ATP10A: variants seen among roughly 807,000 people sequenced by gnomAD.
ATP10A encodes the protein ATPase phospholipid transporting 10A (putative).
In ATP10A, 111 loss-of-function variants were observed where a neutral mutation model predicts 147.8. That is an observed-to-expected ratio of 0.75 (90% CI 0.64 to 0.88). The LOEUF (loss-of-function observed/expected upper bound fraction) is 0.88. ATP10A is among the 40% of genes least tolerant of loss of function. The pLI is 0.00. For synonymous variants in ATP10A, 875 were observed against 841.6 expected, an observed-to-expected ratio of 1.04 and a Z score of -0.69; for missense variants, 1,927 against 1,959.0, an observed-to-expected ratio of 0.98 and a Z score of 0.31.
chr15:25,722,723 G>A (rs934404458), intron 6 of ATP10A, among the ~76,000 whole-genome samples: 1 of 152,170 alleles, frequency 6.6e-6, no homozygotes, highest in Non-Finnish European at 1.5e-5. Flanking sequence ...GTTGTATGAA[G>A]CACATATACG....
chr15:25,750,612 A>C (rs1888099979), intron 2 of ATP10A, among the ~76,000 whole-genome samples: 1 of 152,138 alleles, frequency 6.6e-6, no homozygotes, highest in Non-Finnish European at 1.5e-5. Context: ...TTTTATGAGC[A>C]TGGGTAAGTA....
intron 14 of ATP10A, among the ~76,000 whole-genome samples, chr15:25,694,571 G>T (rs1311688059): frequency 6.6e-6 from 1 of 152,242 alleles, no homozygotes; most frequent in Non-Finnish European, 1.5e-5. Flanking sequence ...GCTCCATCTT[G>T]TTGCCGTAAA....
chr15:25,723,934 G>A lies in ATP10A; in HGVS notation c.1067C>T (p.Thr356Ile). The change falls in exon 6 of 21, where the codon ACA becomes ATA. Residue 356 changes from threonine (T) to isoleucine (I), a missense_variant. Coordinates refer to ENST00000555815, the MANE Select transcript of ATP10A (RefSeq NM_024490.4). Reference protein sequence around the residue: ...KSDGSSLSPVTAAVYSFLTMI... With the variant: ...KSDGSSLSPVIAAVYSFLTMI... ...TGTTAAAAATGAGTAAACTGCAGCT[G>A]TGACTGGGGATAAGGAGCTTCCATC... 2 of 1,610,412 alleles carry A rather than the reference G, an allele frequency of 1.2e-6. No homozygotes were observed. The highest frequency in any genetic ancestry group is 1.7e-6 in the Non-Finnish European group (2 of 1,178,780).
intron 1 of ATP10A, among the ~76,000 whole-genome samples, chr15:25,854,923 T>C (rs1206855198): frequency 6.6e-6 from 1 of 151,944 alleles, no homozygotes; most frequent in African/African-American, 2.4e-5. Flanking sequence ...AGCCAGGCAT[T>C]GTGATGCCTG....
chr15:25,689,636 G>A (rs774989145), intron 15 of ATP10A, among the ~76,000 whole-genome samples: 8 of 152,188 alleles, frequency 5.3e-5, no homozygotes, highest in African/African-American at 7.2e-5. Flanking sequence ...ATCAAGCCTC[G>A]TCCCCATCTC....
chr15:25,700,806 T>C (rs1255079673), intron 13 of ATP10A, among the ~76,000 whole-genome samples: 1 of 151,714 alleles, frequency 6.6e-6, no homozygotes, highest in Non-Finnish European at 1.5e-5. Flanking sequence ...TGTAAGTGTA[T>C]AACCAAAAAA....
chr15:25,722,793 C>T (rs1464029584), intron 6 of ATP10A, among the ~76,000 whole-genome samples: 1 of 152,174 alleles, frequency 6.6e-6, no homozygotes, highest in East Asian at 1.9e-4. Context: ...TCACTCAGTT[C>T]CCAGGAAGGT....
rs772762374 is a variant in ATP10A, at chr15:25,723,939, T to A, written c.1062A>T (p.Pro354=). The change falls in exon 6 of 21, where the codon CCA becomes CCT. Residue 354 remains proline (P), a synonymous_variant. Transcript: ENST00000555815. ...VPKSDGSSLS[P]VTAAVYSFLT... ...AAAATGAGTAAACTGCAGCTGTGAC[T>A]GGGGATAAGGAGCTTCCATCAGACT... 1.2e-6 allele frequency: 2 copies of A among 1,610,688 alleles called. No individual in the cohort carries two copies. The highest frequency in any genetic ancestry group is 1.1e-5 in the South Asian group (1 of 90,074).
intron 19 of ATP10A, 26 bp downstream of exon 19, chr15:25,680,784 G>A: frequency 1.3e-6 from 2 of 1,586,194 alleles, no homozygotes; most frequent in Non-Finnish European, 1.7e-6. Flanking sequence ...GCTCTTCTGA[G>A]ACGTGGCCAT....
chr15:25,818,070 A>T (rs1451088993), intron 1 of ATP10A, among the ~76,000 whole-genome samples: 1 of 151,044 alleles, frequency 6.6e-6, no homozygotes, highest in Non-Finnish European at 1.5e-5. Context: ...ACTAGCTTTT[A>T]AAAAATTATT....
chr15:25,811,572 A>G (rs894880262), intron 1 of ATP10A, among the ~76,000 whole-genome samples: 1 of 151,884 alleles, frequency 6.6e-6, no homozygotes, highest in Non-Finnish European at 1.5e-5. Flanking sequence ...AGGAGTGCAC[A>G]CTCCCCTCTA....
At chr15:25,718,507 C>T (rs905440437) in intron 7 of ATP10A, 108 bp from the exon 8 acceptor site, 3 of 1,151,186 alleles carry the variant, frequency 2.6e-6, no homozygotes, top group African/African-American at 1.5e-5. Context: ...CAGGGCAGCC[C>T]CACAGGATTC....
intron 7 of ATP10A, among the ~76,000 whole-genome samples, chr15:25,719,105 G>A (rs969060812): frequency 2.0e-5 from 3 of 152,198 alleles, no homozygotes; most frequent in Non-Finnish European, 4.4e-5. Context: ...AGGGAGGACA[G>A]CTTGTTTCAC....
intron 1 of ATP10A, among the ~76,000 whole-genome samples, chr15:25,788,249 C>T (rs1041626402): frequency 2.0e-5 from 3 of 152,240 alleles, no homozygotes; most frequent in Non-Finnish European, 4.4e-5. Context: ...CATCTGGCCA[C>T]TACTTTCATT....
At position 25,679,352 on chromosome 15, in the gene ATP10A, G is replaced by A. The variant is rs201645433; in HGVS notation, c.4489C>T (p.Arg1497Trp). 13 of 1,510,150 alleles carry A rather than the reference G, an allele frequency of 8.6e-6. No individual in the cohort carries two copies. The highest frequency in any genetic ancestry group is 2.7e-5 in the South Asian group (2 of 74,614). 93.5% of individuals were successfully genotyped at this position (1,510,150 alleles called of 1,614,324 possible). ...HRLLIGASSRRSQ is the reference protein window; with the variant it reads ...HRLLIGASSRWSQ Reference sequence around the variant, plus strand: ...CCATTTCAAGGTTTTCACTGTGACCGCCTTGAAGATGCTCCTATAAGTAGT... The same window carrying A: ...CCATTTCAAGGTTTTCACTGTGACCACCTTGAAGATGCTCCTATAAGTAGT... The change falls in exon 21 of 21, where the codon CGG becomes TGG. Residue 1497 changes from arginine (R) to tryptophan (W), a missense_variant. Arg to Trp is a moderately radical substitution (Grantham distance 101, BLOSUM62 -3). Transcript: ENST00000555815.
intron 2 of ATP10A, among the ~76,000 whole-genome samples, chr15:25,777,444 A>C (rs1289717269): frequency 6.6e-6 from 1 of 152,086 alleles, no homozygotes; most frequent in Non-Finnish European, 1.5e-5. Context: ...GCTTCTAGCA[A>C]GTTCCACCAG....
intron 1 of ATP10A, among the ~76,000 whole-genome samples, chr15:25,807,527 G>T (rs913725715): frequency 1.3e-5 from 2 of 152,240 alleles, no homozygotes; most frequent in Admixed American, 1.3e-4. Flanking sequence ...ATGGGGCTGG[G>T]TGTGGTGGCT....
intron 17 of ATP10A, 107 bp from the exon 18 acceptor site, chr15:25,681,181 C>A: frequency 8.9e-7 from 1 of 1,126,702 alleles, no homozygotes. Flanking sequence ...ACAACAATAA[C>A]AACAAAAACC....
chr15:25,777,661 C>T (rs1424521764), intron 2 of ATP10A, among the ~76,000 whole-genome samples: 1 of 152,186 alleles, frequency 6.6e-6, no homozygotes, highest in Admixed American at 6.5e-5. Flanking sequence ...AGTGCAGTGG[C>T]ATGATCACAG....
Sources: allele counts gnomAD v4.1 joint callset (sites outside exome capture counted in the v4.1 genomes callset), GRCh38; gene constraint gnomAD v4.1.1; transcripts MANE v1.5; gene names NCBI Gene and HGNC (gene_info 2026-07-23, HGNC 2026-07-21).